Variants in CLIP1 observed in about 807,000 individuals in gnomAD.
CLIP1 encodes CAP-Gly domain containing linker protein 1.
In CLIP1, 66 loss-of-function variants were observed where a neutral mutation model predicts 161.6. That is an observed-to-expected ratio of 0.41 (90% CI 0.33 to 0.50). The LOEUF is 0.50. CLIP1 is among the 20% of genes least tolerant of loss of function. The pLI is 0.27. For synonymous variants in CLIP1, 598 were observed against 626.2 expected, an observed-to-expected ratio of 0.96 and a Z score of 0.67; for missense variants, 1,376 against 1,702.0, an observed-to-expected ratio of 0.81 and a Z score of 3.37.
chr12:122,373,108 G>A (rs961085417), intron 3 of CLIP1, among the ~76,000 whole-genome samples: 9 of 152,004 alleles, frequency 5.9e-5, no homozygotes, highest in Non-Finnish European at 1.0e-4. Context: ...ATAACCTACG[G>A]TAATAAAAAA....
At position 122,419,997 on chromosome 12, in the gene CLIP1, G is replaced by C. The variant is rs574238151; in HGVS notation, c.-107+2524C>G. Among the ~76,000 whole-genome samples the C allele has an allele frequency of 1.1e-4, 16 of 151,310 alleles. No individual in the cohort carries two copies. The Admixed American group carries it at 1.1e-3, about 10-fold the overall frequency. ...GTTCATGTCCCTTATGAGTCACATGGGATGTGACAGAGTGAATTTTAGCCA... is the reference window on the plus strand; with the variant it reads ...GTTCATGTCCCTTATGAGTCACATGCGATGTGACAGAGTGAATTTTAGCCA... On this transcript the variant is annotated intron_variant, in intron 1 of 25. Coordinates refer to ENST00000620786, the MANE Select transcript of CLIP1 (RefSeq NM_001247997.2).
chr12:122,342,837 A>C (rs1952567600), intron 10 of CLIP1: 1 of 151,500 alleles, frequency 6.6e-6, no homozygotes, highest in Admixed American at 6.6e-5. Flanking sequence ...AAAAAAAAAA[A>C]AAAACAAACT....
intron 1 of CLIP1, among the ~76,000 whole-genome samples, chr12:122,390,207 TACAC>T (rs1385652028): frequency 7.8e-6 from 1 of 128,808 alleles, no homozygotes; most frequent in South Asian, 2.4e-4. Context: ...AATATATATA[TACAC>T]ACATATATAT....
chr12:122,336,237 G>C (rs917990181), intron 12 of CLIP1, among the ~76,000 whole-genome samples: 2 of 152,086 alleles, frequency 1.3e-5, no homozygotes, highest in Non-Finnish European at 2.9e-5. Context: ...CTACGGCCCA[G>C]TACAGCTACT....
chr12:122,309,483 T>C (rs1192293434), intron 20 of CLIP1, among the ~76,000 whole-genome samples: 1 of 152,218 alleles, frequency 6.6e-6, no homozygotes, highest in East Asian at 1.9e-4. Context: ...TCCATTTAAA[T>C]GTTGAGCTAC....
rs1955554635 is a variant in CLIP1 at position 122,279,331 on chromosome 12, G to C, written c.3648-186C>G. On this transcript the variant is annotated intron_variant, in intron 21 of 25. Transcript: ENST00000620786. The surrounding 1 kb of genome is among the most constrained non-coding windows in gnomAD (Gnocchi z 4.5). ...TACTTGAAATTTTACTTACTGTGAG[G>C]GGAGAAAAAGTTTACCTATGCATAG... 2 of 402,944 alleles carry C rather than the reference G, an allele frequency of 5.0e-6. No homozygotes were observed. Among genetic ancestry groups the C allele is most frequent in the Non-Finnish European group, 8.7e-6 (2 of 228,586 alleles). 25.0% of individuals were successfully genotyped at this position (402,944 alleles called of 1,614,324 possible). A position where few individuals can be genotyped will look rare whatever the true frequency, so the allele number is the denominator to read the frequency against.
chr12:122,401,840 A>G (rs1274517611), intron 1 of CLIP1, among the ~76,000 whole-genome samples: 4 of 150,542 alleles, frequency 2.7e-5, no homozygotes, highest in African/African-American at 9.8e-5. Context: ...TCCACTAACA[A>G]TACAAAATTA....
In CLIP1 at chr12:122,317,007, G is replaced by A. The variant is rs151217329; in HGVS notation, c.3367-152C>T. 3.6e-3 allele frequency: 2,036 copies of A among 573,112 alleles called. 3 individuals are homozygous for A. Among genetic ancestry groups the A allele is most frequent in the Non-Finnish European group, 5.0e-3 (1,645 of 327,146 alleles). The allele number at this position is 573,112 out of a possible 1,614,324, so 35.5% of individuals were successfully genotyped here. Reference sequence around the variant, plus strand: ...TCTCCTGGGTGAAGAGATTACAGATGACAAGTCTATTACAAACTGCAAACC... The same window carrying A: ...TCTCCTGGGTGAAGAGATTACAGATAACAAGTCTATTACAAACTGCAAACC... On this transcript the variant is annotated intron_variant, in intron 18 of 25. Coordinates refer to ENST00000620786, the MANE Select transcript of CLIP1 (RefSeq NM_001247997.2).
rs532490244 is a variant in CLIP1, at chr12:122,315,700, G to A, written c.3473+1049C>T. Among the ~76,000 whole-genome samples, 5 of 150,178 alleles carry A rather than the reference G, an allele frequency of 3.3e-5. No individual in the cohort carries two copies. The South Asian group carries it at 1.1e-3, about 32-fold the overall frequency. ...CTGTCACCCAGGCTGGAGTGCAGTGGCTCGATCTCGGCTCACTGCAAACTC... is the reference window on the plus strand; with the variant it reads ...CTGTCACCCAGGCTGGAGTGCAGTGACTCGATCTCGGCTCACTGCAAACTC... On this transcript the variant is annotated intron_variant, in intron 19 of 25. Transcript: ENST00000620786.
chr12:122,391,053 C>G (rs1455244004), intron 1 of CLIP1, among the ~76,000 whole-genome samples: 2 of 152,098 alleles, frequency 1.3e-5, no homozygotes, highest in African/African-American at 4.8e-5. Flanking sequence ...CTTGGGAGGC[C>G]GGGACAGGCA....
intron 15 of CLIP1, 40 bp downstream of exon 15, chr12:122,332,947 C>G (rs1479056329): frequency 6.4e-7 from 1 of 1,573,956 alleles, no homozygotes; most frequent in Non-Finnish European, 8.7e-7. Context: ...GCCGCAGAGC[C>G]TAACCTAAGG....
At position 122,341,520 on chromosome 12, in the gene CLIP1, T is replaced by C. The variant is rs775361259; in HGVS notation, c.1684A>G (p.Thr562Ala). The C allele has an allele frequency of 1.2e-6, 2 of 1,614,034 alleles. No homozygotes were observed. The highest frequency in any genetic ancestry group is 2.7e-5 in the African/African-American group (2 of 74,924). ...ATTTCTCTCTGGTGGTCAGTACGGG[T>C]GACTTCTAACTTTTCTTGCAAAGAG... is the stretch of plus-strand genomic sequence containing the variant. Reference protein sequence around the residue: ...ISSLQEKLEVTRTDHQREITS... With the variant: ...ISSLQEKLEVARTDHQREITS... The change falls in exon 11 of 26, where the codon ACC (threonine) becomes GCC (alanine). Residue 562 changes from threonine (T) to alanine (A), a missense_variant. Transcript: ENST00000620786.
At chr12:122,273,327 G>A (rs1343158036) in intron 25 of CLIP1, among the ~76,000 whole-genome samples, 1 of 152,096 alleles carries the variant, frequency 6.6e-6, no homozygotes, top group Non-Finnish European at 1.5e-5. Context: ...TTGGCTTACT[G>A]CAATCTCCAC....
chr12:122,292,984 A>C (rs575706382), intron 20 of CLIP1, among the ~76,000 whole-genome samples: 61 of 145,032 alleles, frequency 4.2e-4, no homozygotes, highest in Admixed American at 9.5e-4. Flanking sequence ...GCCTGGGCAA[A>C]AGAGCAAGAC....
chr12:122,412,072 T>A (rs1395798371), intron 1 of CLIP1, among the ~76,000 whole-genome samples: 1 of 145,854 alleles, frequency 6.9e-6, no homozygotes, highest in East Asian at 2.0e-4. Flanking sequence ...TTTTTTTTTT[T>A]TTTTTTTTTT....
chr12:122,338,034 C>A (rs1179105713), intron 11 of CLIP1, among the ~76,000 whole-genome samples: 12 of 147,622 alleles, frequency 8.1e-5, no homozygotes, highest in African/African-American at 1.3e-4. Context: ...AAAAACAAAA[C>A]CAAAACCAAA....
At chr12:122,290,768 T>C (rs377028314) in intron 20 of CLIP1, among the ~76,000 whole-genome samples, 4 of 152,312 alleles carry the variant, frequency 2.6e-5, no homozygotes, top group East Asian at 3.8e-4. Flanking sequence ...CTGATCTTTA[T>C]AGAAAACAAT....
At chr12:122,363,933 C>T in intron 4 of CLIP1, 50 bp downstream of exon 4, 1 of 1,612,042 alleles carries the variant, frequency 6.2e-7, no homozygotes, top group African/African-American at 1.3e-5. Context: ...CTGGCCTGAG[C>T]ATCGTCACGT....
intron 5 of CLIP1, among the ~76,000 whole-genome samples, chr12:122,359,208 G>T (rs1593158017): frequency 6.6e-6 from 1 of 152,228 alleles, no homozygotes; most frequent in East Asian, 1.9e-4. Flanking sequence ...ATTTTATGGT[G>T]ATTTTTGGCT....
Sources: allele counts gnomAD v4.1 joint callset (sites outside exome capture counted in the v4.1 genomes callset), GRCh38; gene constraint gnomAD v4.1.1; non-coding constraint Gnocchi (gnomAD v3.1); transcripts MANE v1.5; gene names NCBI Gene and HGNC (gene_info 2026-07-23, HGNC 2026-07-21).